Variants in BIRC2 observed in about 807,000 individuals in gnomAD.
BIRC2 encodes the protein baculoviral IAP repeat-containing protein 2.
BIRC2 carries 18 observed loss-of-function variants against 60.9 expected under a neutral mutation model. That is an observed-to-expected ratio of 0.30 (90% CI 0.20 to 0.44). The LOEUF (loss-of-function observed/expected upper bound fraction) is 0.44. Among genes scored for constraint, BIRC2 ranks in the 20% least tolerant of loss-of-function variants. BIRC2 has a pLI of 1.00. For missense variants in BIRC2, 701 were observed against 728.5 expected (o/e 0.96, Z 0.43); for synonymous variants, 282 against 247.7 (o/e 1.14, Z -1.30).
At chr11:102,365,072 G>A (rs191909127) in intron 5 of BIRC2, among the ~76,000 whole-genome samples, 143 of 152,258 alleles carry the variant, frequency 9.4e-4, no homozygotes, top group African/African-American at 3.4e-3. Flanking sequence ...GAATCCAAAA[G>A]AGAGCTGCTT....
chr11:102,376,984 G>T lies in BIRC2; in HGVS notation c.1367-512G>T, dbSNP rs564948868. On this transcript the variant is annotated intron_variant, in intron 6 of 8. Transcript: ENST00000227758. ...CTACAATACCACGTCTTAAGTATGG[G>T]GTGTTGAAAAGAACACTGGTCTAGG... Among the ~76,000 whole-genome samples, 49 of 152,004 alleles carry T rather than the reference G, an allele frequency of 3.2e-4. 1 individual carries two copies. In the South Asian group the frequency reaches 1.0e-2, roughly 31 times the overall value.
Position 102,378,560 on chromosome 11 carries a change from A to C in BIRC2, c.*377A>C. ...AGGAACTCTGGAGTTCATCAGAGTT[A>C]TGGTGCCGAATTGTCTTTGGTGCTT... On this transcript the variant is annotated 3_prime_UTR_variant, in exon 9 of 9. Coordinates refer to ENST00000227758, the MANE Select transcript of BIRC2 (RefSeq NM_001166.5). 1 of 156,242 alleles carries C rather than the reference A, an allele frequency of 6.4e-6. No homozygotes were observed. Among genetic ancestry groups the C allele is most frequent in the Non-Finnish European group, 1.4e-5 (1 of 70,824 alleles). 9.7% of individuals were successfully genotyped at this position (156,242 alleles called of 1,614,324 possible). A position where few individuals can be genotyped will look rare whatever the true frequency, so the allele number is the denominator to read the frequency against.
At chr11:102,363,019 A>G in intron 4 of BIRC2, 45 bp downstream of exon 4, 20 of 1,369,454 alleles carry the variant, frequency 1.5e-5, no homozygotes, top group Non-Finnish European at 1.9e-5. Flanking sequence ...CTGCTTTATA[A>G]TAACAAAAAT....
intron 6 of BIRC2, 131 bp from the exon 7 acceptor site, chr11:102,377,365 C>G (rs865880021): frequency 7.7e-6 from 6 of 779,986 alleles, no homozygotes; most frequent in Non-Finnish European, 1.1e-5. Context: ...CAAATGCAAA[C>G]AAGTTACTTT....
intron 5 of BIRC2, among the ~76,000 whole-genome samples, chr11:102,367,217 C>T (rs781202445): frequency 9.9e-5 from 15 of 151,924 alleles, no homozygotes; most frequent in Non-Finnish European, 1.9e-4. Context: ...CAGTTTAGTT[C>T]GTTTGTATAT....
At chr11:102,360,671 G>T (rs114838155) in intron 3 of BIRC2, among the ~76,000 whole-genome samples, 2,663 of 146,902 alleles carry the variant, frequency 0.018, 82 homozygotes, top group African/African-American at 0.062. Context: ...GAGTTTCTTT[G>T]CTAATGTCAC....
In BIRC2 at chr11:102,350,831, T is replaced by A; in HGVS notation, c.896-13T>A. 6.2e-7 allele frequency: 1 copy of A among 1,612,220 alleles called. No homozygotes were observed. Among genetic ancestry groups the A allele is most frequent in the Non-Finnish European group, 8.5e-7 (1 of 1,179,522 alleles). Reference sequence around the variant, plus strand: ...ATACGTGTTTTCAATATTTAGTCTTTTTTTTCCTGAAGGTCGCAATGATGA... The same window carrying A: ...ATACGTGTTTTCAATATTTAGTCTTATTTTTCCTGAAGGTCGCAATGATGA... On this transcript the variant is annotated splice_polypyrimidine_tract_variant and intron_variant, in intron 2 of 8. Transcript: ENST00000227758.
In BIRC2 at chr11:102,377,498, G is replaced by A. The variant is rs138445816; in HGVS notation, c.1369G>A (p.Asp457Asn). 6.3e-7 allele frequency: 1 copy of A among 1,587,182 alleles called. No individual in the cohort carries two copies. Among genetic ancestry groups the A allele is most frequent in the Admixed American group, 1.9e-5 (1 of 52,148 alleles). The change falls in exon 7 of 9, where the codon GAT becomes AAT. Residue 457 changes from aspartate (D) to asparagine (N), a missense_variant and splice_region_variant. Physicochemically the swap from Asp to Asn is conservative, Grantham distance 23. Coordinates refer to ENST00000227758, the MANE Select transcript of BIRC2 (RefSeq NM_001166.5). ...TTCTTTTTCTTTTTTTAATGAAGAT[G>A]ATTTGTCATTAATTCGGAAGAACAG... The part of the protein sequence containing the change: ...EKQAEEMASD[D>N]LSLIRKNRMA...
At chr11:102,369,975 G>A (rs1951608677) in intron 6 of BIRC2, among the ~76,000 whole-genome samples, 1 of 152,280 alleles carries the variant, frequency 6.6e-6, no homozygotes, top group Admixed American at 6.5e-5. Context: ...TTTGAGAAGT[G>A]CCTGTTCATG....
chr11:102,373,002 T>C lies in BIRC2; in HGVS notation c.1366+4454T>C, dbSNP rs534481974. On this transcript the variant is annotated intron_variant, in intron 6 of 8. Coordinates refer to ENST00000227758, the MANE Select transcript of BIRC2 (RefSeq NM_001166.5). ...CTAGGATTGCAACCCCTGCCTCTTT[T>C]TGTTTTCCATTTGCTTGGTAGATCT... Among the ~76,000 whole-genome samples, 31 of 152,008 alleles carry C rather than the reference T, an allele frequency of 2.0e-4. No homozygotes were observed. The South Asian group carries it at 6.3e-3, about 31-fold the overall frequency.
chr11:102,374,512 G>A, intron 6 of BIRC2, among the ~76,000 whole-genome samples: 1 of 150,630 alleles, frequency 6.6e-6, no homozygotes, highest in Non-Finnish European at 1.5e-5. Flanking sequence ...ACTTGAGGAG[G>A]CAGTCTGCCG....
At chr11:102,375,251 A>G (rs1251508953) in intron 6 of BIRC2, among the ~76,000 whole-genome samples, 1 of 152,164 alleles carries the variant, frequency 6.6e-6, no homozygotes. Flanking sequence ...GCCTAATCAC[A>G]GTGGTTGCTG....
chr11:102,360,213 C>T (rs139920452), intron 3 of BIRC2, among the ~76,000 whole-genome samples: 29 of 152,236 alleles, frequency 1.9e-4, no homozygotes, highest in African/African-American at 4.8e-4. Context: ...GTGATCCACC[C>T]GCCTCAACCT....
rs777453407 is a variant in BIRC2 at position 102,362,913 on chromosome 11, G to T, written c.1013G>T (p.Arg338Leu). Residue 338 changes from arginine to leucine, a missense_variant, in exon 4 of 9, where the codon CGA (arginine) becomes CTA (leucine). Arg to Leu is a moderately radical substitution (Grantham distance 102). This residue lies in a region of BIRC2 where 39 missense variants were observed against 69.8 expected (regional missense o/e 0.56). Coordinates refer to ENST00000227758, the MANE Select transcript of BIRC2 (RefSeq NM_001166.5). ...KWFPRCEFLI[R>L]MKGQEFVDEI... ...TGTTTTAGGTGTGAGTTCTTGATAC[G>T]AATGAAAGGCCAAGAGTTTGTTGAT... 1 of 1,612,398 alleles carries T rather than the reference G, an allele frequency of 6.2e-7. No individual in the cohort carries two copies. Among genetic ancestry groups the T allele is most frequent in the East Asian group, 2.2e-5 (1 of 44,752 alleles).
chr11:102,375,960 A>AT lies in BIRC2; in HGVS notation c.1367-1521dup, dbSNP rs112788487. On this transcript the variant is annotated intron_variant, in intron 6 of 8. Coordinates refer to ENST00000227758, the MANE Select transcript of BIRC2 (RefSeq NM_001166.5). Reference sequence around the variant, plus strand: ...CTTTAACACAGCTCCTAGCACGTCAATTTTTTTTTTTTTTTAAGCATTAGG... The same window carrying AT: ...CTTTAACACAGCTCCTAGCACGTCAATTTTTTTTTTTTTTTTAAGCATTAGG... Among the ~76,000 whole-genome samples the AT allele has an allele frequency of 4.6e-3, 669 of 144,864 alleles. 1 individual carries two copies. The highest frequency in any genetic ancestry group is 0.029 in the Middle Eastern group (8 of 276).
At chr11:102,368,598 G>A in intron 6 of BIRC2, 50 bp downstream of exon 6, 1 of 1,590,246 alleles carries the variant, frequency 6.3e-7, no homozygotes, top group Non-Finnish European at 8.6e-7. Context: ...GAGCTCTTAG[G>A]ACTGTCTCAC....
At chr11:102,352,706 C>T (rs1045998374) in intron 3 of BIRC2, among the ~76,000 whole-genome samples, 1 of 152,206 alleles carries the variant, frequency 6.6e-6, no homozygotes, top group East Asian at 1.9e-4. Context: ...GCTGGGATTA[C>T]AGGCATGAGC....
intron 3 of BIRC2, among the ~76,000 whole-genome samples, chr11:102,361,053 A>G (rs75029885): frequency 6.6e-6 from 1 of 152,054 alleles, no homozygotes; most frequent in Admixed American, 6.5e-5. Context: ...CATGGGAGAC[A>G]TTGTGGCCAA....
intron 6 of BIRC2, among the ~76,000 whole-genome samples, chr11:102,376,702 G>C (rs1200790289): frequency 6.6e-6 from 1 of 152,022 alleles, no homozygotes; most frequent in Non-Finnish European, 1.5e-5. Context: ...TTGATTCTTA[G>C]GTAGTTTTTT....
Sources: allele counts gnomAD v4.1 joint callset (sites outside exome capture counted in the v4.1 genomes callset), GRCh38; gene constraint gnomAD v4.1.1; regional missense constraint gnomAD v4.1.1; transcripts MANE v1.5; gene names NCBI Gene and HGNC (gene_info 2026-07-23, HGNC 2026-07-21).